The following TENM3 variants were observed in gnomAD, a reference collection of about 807,000 sequenced individuals.
TENM3 encodes the protein teneurin-3.
TENM3 carries 63 observed loss-of-function variants against 255.1 expected under a neutral mutation model. The ratio of observed to expected loss-of-function variants is 0.25; its 90% confidence interval spans 0.20 to 0.30. TENM3 has a LOEUF of 0.30. TENM3 is among the 10% of genes least tolerant of loss of function. The probability of loss-of-function intolerance (pLI) is 1.00; values close to 1 mark genes in which losing one functional copy is unlikely to be tolerated. For synonymous variants in TENM3, 1,306 were observed against 1,322.3 expected, an observed-to-expected ratio of 0.99 and a Z score of 0.27; for missense variants, 2,929 against 3,461.1, an observed-to-expected ratio of 0.85 and a Z score of 3.86.
intron 6 of TENM3, among the ~76,000 whole-genome samples, chr4:182,664,171 A>G (rs1260918671): frequency 6.6e-6 from 1 of 152,208 alleles, no homozygotes; most frequent in Non-Finnish European, 1.5e-5. Context: ...TGCGTCAAGC[A>G]AGTCTATCGG....
chr4:181,485,469 C>T, the TENM3 span, among the ~76,000 whole-genome samples: 2 of 140,412 alleles, frequency 1.4e-5, no homozygotes, highest in Non-Finnish European at 3.0e-5. Flanking sequence ...ACTAAAGGTA[C>T]GGTAGAAGAA....
At chr4:181,768,966 T>A in the TENM3 span, among the ~76,000 whole-genome samples, 2 of 152,210 alleles carry the variant, frequency 1.3e-5, no homozygotes, top group Non-Finnish European at 2.9e-5. Context: ...ATTTGAAAGC[T>A]TTCAAGATAA....
At chr4:182,349,272 T>A (rs1765023987) in intron 3 of TENM3, among the ~76,000 whole-genome samples, 1 of 152,106 alleles carries the variant, frequency 6.6e-6, no homozygotes, top group Non-Finnish European at 1.5e-5. Flanking sequence ...TGAGAGCAGT[T>A]TAAAGAAAGA....
chr4:182,674,819 G>A lies in TENM3; in HGVS notation c.1326+1600G>A, dbSNP rs560770652. Among the ~76,000 whole-genome samples, 40 of 152,130 alleles carry A rather than the reference G, an allele frequency of 2.6e-4. No homozygotes were observed. In the South Asian group the frequency reaches 7.3e-3, roughly 28 times the overall value. ...TTGAACTCCTGGGCTCAAGCAATCC[G>A]CCCACCTTCCCAAAGGACTGGGATT... On this transcript the variant is annotated intron_variant, in intron 7 of 27. Coordinates refer to ENST00000511685, the MANE Select transcript of TENM3 (RefSeq NM_001080477.4).
intron 3 of TENM3, among the ~76,000 whole-genome samples, chr4:182,569,712 A>C (rs994051945): frequency 3.3e-5 from 5 of 152,186 alleles, no homozygotes; most frequent in Admixed American, 6.5e-5. Context: ...TAAAGTATTA[A>C]TGGGCAGAAG....
chr4:182,094,837 G>C, the TENM3 span, among the ~76,000 whole-genome samples: 1 of 149,896 alleles, frequency 6.7e-6, no homozygotes, highest in South Asian at 2.1e-4. Context: ...CTTCAGGAAA[G>C]AATCGGAAAT....
the TENM3 span, among the ~76,000 whole-genome samples, chr4:181,971,408 A>G: frequency 4.6e-5 from 7 of 152,314 alleles, no homozygotes; most frequent in Admixed American, 6.5e-5. Flanking sequence ...ACAAAACATG[A>G]TCCACATCCA....
chr4:182,565,207 C>A (rs555951891), intron 3 of TENM3, among the ~76,000 whole-genome samples: 5 of 152,092 alleles, frequency 3.3e-5, no homozygotes, highest in Non-Finnish European at 5.9e-5. Flanking sequence ...GTCTTGGTTA[C>A]CACCCATTTT....
chr4:181,662,562 G>A, the TENM3 span, among the ~76,000 whole-genome samples: 2 of 152,258 alleles, frequency 1.3e-5, no homozygotes, highest in South Asian at 4.1e-4. Flanking sequence ...ACCTCGGCCT[G>A]GGCAAAGACC....
At chr4:182,531,446 C>T (rs1201060633) in intron 3 of TENM3, among the ~76,000 whole-genome samples, 1 of 152,088 alleles carries the variant, frequency 6.6e-6, no homozygotes, top group African/African-American at 2.4e-5. Flanking sequence ...CAGTCACTTC[C>T]AGTATTCACA....
At chr4:181,467,091 G>A in the TENM3 span, among the ~76,000 whole-genome samples, 491 of 64,208 alleles carry the variant, frequency 7.6e-3, 10 homozygotes, top group African/African-American at 0.029. Flanking sequence ...GTGCGTGTGT[G>A]TGTGTGTGTG....
chr4:182,080,916 C>T, the TENM3 span, among the ~76,000 whole-genome samples: 61 of 151,862 alleles, frequency 4.0e-4, no homozygotes, highest in Admixed American at 3.9e-3. Flanking sequence ...GCTTGAGTCC[C>T]GGGTGTCAGG....
chr4:182,270,276 T>TC (rs1316200754), intron 1 of TENM3, among the ~76,000 whole-genome samples: 4 of 152,090 alleles, frequency 2.6e-5, no homozygotes, highest in Admixed American at 2.0e-4. Flanking sequence ...AGATGCTAAT[T>TC]CCCCCCATGA....
chr4:181,470,184 A>C, the TENM3 span, among the ~76,000 whole-genome samples: 1 of 151,600 alleles, frequency 6.6e-6, no homozygotes, highest in Non-Finnish European at 1.5e-5. Flanking sequence ...TTGTAAGATC[A>C]AATCAGGAAT....
the TENM3 span, among the ~76,000 whole-genome samples, chr4:181,922,451 G>A: frequency 2.6e-5 from 4 of 152,104 alleles, no homozygotes; most frequent in African/African-American, 9.7e-5. Context: ...CTTCTTCCTG[G>A]TTTAGTCTTG....
intron 3 of TENM3, among the ~76,000 whole-genome samples, chr4:182,502,947 A>G (rs1490132795): frequency 8.9e-6 from 1 of 112,970 alleles, no homozygotes. Context: ...ACTTACCTGC[A>G]TATGTCTGTA....
chr4:181,528,874 C>T, the TENM3 span, among the ~76,000 whole-genome samples: 1 of 114,436 alleles, frequency 8.7e-6, no homozygotes, highest in Non-Finnish European at 2.1e-5. Flanking sequence ...GATAACCAAA[C>T]ACACACACAC....
In TENM3 at chr4:182,180,280, G is replaced by A. The variant is rs534003114; in HGVS notation, c.-76+35526G>A. On this transcript the variant is annotated intron_variant, in intron 1 of 2. Transcript: ENST00000512480. ...ATGACTTGAACTGGAAAATGTTGAT[G>A]TTTAGTTACATATTTATGGAGGACG... Among the ~76,000 whole-genome samples the A allele has an allele frequency of 2.0e-3, 308 of 152,210 alleles. 1 individual carries two copies. The highest frequency in any genetic ancestry group is 7.1e-3 in the African/African-American group (297 of 41,550).
At chr4:182,449,036 C>A in intron 3 of TENM3, 1 of 383,044 alleles carries the variant, frequency 2.6e-6, no homozygotes, top group Non-Finnish European at 5.2e-6. Context: ...AACTTGGCAG[C>A]GCTGGGCTCG....
Sources: allele counts gnomAD v4.1 joint callset (sites outside exome capture counted in the v4.1 genomes callset), GRCh38; gene constraint gnomAD v4.1.1; transcripts MANE v1.5; gene names NCBI Gene and HGNC (gene_info 2026-07-23, HGNC 2026-07-21).